BMAL2: variants seen among roughly 807,000 people sequenced by gnomAD.
The protein encoded by BMAL2 is basic helix-loop-helix ARNT-like protein 2.
chr12:27,333,176 G>T, the BMAL2 span: 1 of 1,192,848 alleles, frequency 8.4e-7, no homozygotes, highest in South Asian at 4.2e-5. Flanking sequence ...GCGTCCCCGC[G>T]ACGCCAGGTC....
At chr12:27,379,367 C>T in the BMAL2 span, among the ~76,000 whole-genome samples, 3 of 152,102 alleles carry the variant, frequency 2.0e-5, no homozygotes. Context: ...TAACAAATAG[C>T]TTATGAGTAG....
At chr12:27,344,522 G>A in the BMAL2 span, among the ~76,000 whole-genome samples, 1 of 152,162 alleles carries the variant, frequency 6.6e-6, no homozygotes, top group Non-Finnish European at 1.5e-5. Flanking sequence ...GTCAGTAAAG[G>A]CAGGCTGAAC....
the BMAL2 span, among the ~76,000 whole-genome samples, chr12:27,394,261 G>C: frequency 6.6e-6 from 1 of 152,040 alleles, no homozygotes; most frequent in Non-Finnish European, 1.5e-5. Context: ...GCAGACCCTG[G>C]ACATTGAAAC....
the BMAL2 span, among the ~76,000 whole-genome samples, chr12:27,414,355 C>A: frequency 6.6e-6 from 1 of 152,144 alleles, no homozygotes; most frequent in Non-Finnish European, 1.5e-5. Context: ...AATACACGTT[C>A]TTTTCAAGTG....
chr12:27,411,940 G>C, the BMAL2 span, among the ~76,000 whole-genome samples: 1,038 of 152,248 alleles, frequency 6.8e-3, 11 homozygotes, highest in African/African-American at 0.024. Context: ...TCATGAGGCT[G>C]TTCCACTATT....
chr12:27,340,862 T>C, the BMAL2 span, among the ~76,000 whole-genome samples: 6,034 of 152,278 alleles, frequency 0.04, 412 homozygotes, highest in East Asian at 0.34. Context: ...TTATTCTTTT[T>C]GTGGTGGTTA....
the BMAL2 span, chr12:27,368,254 G>T: frequency 6.2e-7 from 1 of 1,614,028 alleles, no homozygotes; most frequent in Non-Finnish European, 8.5e-7. Context: ...GTACTCTGCT[G>T]CCCATAGGTA....
At chr12:27,379,811 T>C in the BMAL2 span, among the ~76,000 whole-genome samples, 1 of 152,004 alleles carries the variant, frequency 6.6e-6, no homozygotes, top group African/African-American at 2.4e-5. Flanking sequence ...GAAAGGGTTT[T>C]TTTTTTCAGG....
chr12:27,422,094 T>C, the BMAL2 span: 4 of 152,112 alleles, frequency 2.6e-5, no homozygotes, highest in Non-Finnish European at 5.9e-5. Context: ...TCAAATTGAG[T>C]ATAAGAATTA....
At chr12:27,390,195 CT>C in the BMAL2 span, 1 of 1,613,868 alleles carries the variant, frequency 6.2e-7, no homozygotes, top group Non-Finnish European at 8.5e-7. Context: ...TGTAAAATCT[CT>C]GTCAAAGAAG....
chr12:27,340,886 AT>A, the BMAL2 span, among the ~76,000 whole-genome samples: 1 of 152,096 alleles, frequency 6.6e-6, no homozygotes, highest in Non-Finnish European at 1.5e-5. Flanking sequence ...ATGGGACTGC[AT>A]GCCTGATTTG....
At chr12:27,420,355 T>G in the BMAL2 span, 1 of 1,607,902 alleles carries the variant, frequency 6.2e-7, no homozygotes, top group South Asian at 1.1e-5. Flanking sequence ...ATGACTTTAC[T>G]GATCACCTTT....
the BMAL2 span, among the ~76,000 whole-genome samples, chr12:27,355,524 C>A: frequency 7.9e-4 from 120 of 152,268 alleles, 1 homozygote; most frequent in South Asian, 1.2e-3. Context: ...GCTTTCCTGC[C>A]CAGCCTGTGC....
the BMAL2 span, chr12:27,402,520 C>A: frequency 1.0e-6 from 1 of 981,158 alleles, no homozygotes; most frequent in South Asian, 1.7e-5. Context: ...CATAAATGGG[C>A]CACAAATTGA....
the BMAL2 span, among the ~76,000 whole-genome samples, chr12:27,369,307 G>T: frequency 0.022 from 3,309 of 151,744 alleles, 46 homozygotes; most frequent in Non-Finnish European, 0.034. Context: ...GGTGGGGGGG[G>T]TGGTATTCAG....
chr12:27,410,452 G>A, the BMAL2 span, among the ~76,000 whole-genome samples: 1 of 152,180 alleles, frequency 6.6e-6, no homozygotes, highest in Non-Finnish European at 1.5e-5. Context: ...GTAGGGACAT[G>A]GATGAAGCTG....
the BMAL2 span, among the ~76,000 whole-genome samples, chr12:27,407,484 T>C: frequency 1.3e-5 from 2 of 152,182 alleles, no homozygotes; most frequent in African/African-American, 4.8e-5. Flanking sequence ...AACCTGCTCC[T>C]GAATGACTAC....
the BMAL2 span, among the ~76,000 whole-genome samples, chr12:27,356,356 T>G: frequency 6.6e-6 from 1 of 152,166 alleles, no homozygotes; most frequent in Non-Finnish European, 1.5e-5. Flanking sequence ...CCTAGGTAAC[T>G]ACATTAGCTT....
the BMAL2 span, among the ~76,000 whole-genome samples, chr12:27,388,202 A>G: frequency 6.6e-6 from 1 of 152,318 alleles, no homozygotes; most frequent in Non-Finnish European, 1.5e-5. Context: ...CTGACTTTGC[A>G]TAGAAGAGGC....
Sources: gnomAD v4.1 joint callset for allele counts (sites outside exome capture counted in the v4.1 genomes callset) on GRCh38, gnomAD v4.1.1 for gene constraint, MANE v1.5 for transcripts, NCBI Gene and HGNC (gene_info 2026-07-23, HGNC 2026-07-21) for gene names.